URI1: variants seen among roughly 807,000 people sequenced by gnomAD.
URI1 encodes URI1 prefoldin like chaperone.
A neutral mutation model predicts 60.2 loss-of-function variants in URI1; 39 were observed. That is an observed-to-expected ratio of 0.65 (90% confidence interval 0.50 to 0.85). The LOEUF (loss-of-function observed/expected upper bound fraction) is 0.85, where lower values mean the gene tolerates loss of function less well. Among genes scored for constraint, URI1 ranks in the 40% least tolerant of loss-of-function variants. URI1 has a pLI of 0.00. For missense variants in URI1, 691 were observed against 665.9 expected (o/e 1.04, Z -0.42); for synonymous variants, 251 against 236.8 (o/e 1.06, Z -0.55).
At chr19:29,948,049 C>A (rs187553126) in intron 1 of URI1, among the ~76,000 whole-genome samples, 1 of 151,782 alleles carries the variant, frequency 6.6e-6, no homozygotes, top group Non-Finnish European at 1.5e-5. Flanking sequence ...ATGTCTCCAC[C>A]GCATTGTCAT....
intron 7 of URI1, 103 bp from the exon 8 acceptor site, chr19:30,008,902 T>A (rs2055978378): frequency 1.1e-6 from 1 of 910,454 alleles, no homozygotes; most frequent in Non-Finnish European, 1.6e-6. Context: ...TAAAAATACT[T>A]TATTCAAGAT....
intron 1 of URI1, among the ~76,000 whole-genome samples, chr19:29,932,900 G>A (rs1048110040): frequency 2.0e-5 from 3 of 151,854 alleles, no homozygotes; most frequent in Admixed American, 6.6e-5. Context: ...TGATCCACCC[G>A]CCTCAGCCTC....
intron 1 of URI1, among the ~76,000 whole-genome samples, chr19:29,928,517 T>C (rs183318363): frequency 9.2e-5 from 14 of 152,188 alleles, no homozygotes; most frequent in Admixed American, 9.2e-4. Flanking sequence ...TCCTGGTAGA[T>C]GAAAGGGATC....
At position 29,965,383 on chromosome 19, in the gene URI1, A is replaced by C. The variant is rs374281612; in HGVS notation, c.118-5810A>C. 3.5e-4 allele frequency among the ~76,000 whole-genome samples: 53 copies of C among 152,318 alleles called. 1 individual carries two copies. The South Asian group carries it at 0.011, about 32-fold the overall frequency. On this transcript the variant is annotated intron_variant, in intron 1 of 10. Coordinates refer to ENST00000392271, the MANE Select transcript of URI1 (RefSeq NM_003796.3). ...ATCTCTGATAAAACAGTGGGCATGC[A>C]AGGTGGAATTCAGGCAGTATTTCAG... is the stretch of plus-strand genomic sequence containing the variant.
intron 3 of URI1, 47 bp downstream of exon 3, chr19:29,985,348 C>G: frequency 2.7e-6 from 4 of 1,489,426 alleles, no homozygotes; most frequent in Non-Finnish European, 3.7e-6. Context: ...TTCTTGTAAA[C>G]ATATTAACTA....
At chr19:29,967,051 TG>T (rs1290540094) in intron 1 of URI1, among the ~76,000 whole-genome samples, 1 of 152,214 alleles carries the variant, frequency 6.6e-6, no homozygotes, top group African/African-American at 2.4e-5. Context: ...TGCCCTCTTG[TG>T]GTCTGTCACC....
At chr19:29,989,848 TTTTCATTCTC>T (rs2055723831) in intron 4 of URI1, among the ~76,000 whole-genome samples, 1 of 152,204 alleles carries the variant, frequency 6.6e-6, no homozygotes, top group Non-Finnish European at 1.5e-5. Context: ...GCATCTTGTC[TTTTCATTCTC>T]TTAACAGTGT....
chr19:29,941,510 A>C (rs764782483), upstream of URI1, among the ~76,000 whole-genome samples: 1 of 151,462 alleles, frequency 6.6e-6, no homozygotes, highest in Non-Finnish European at 1.5e-5. Context: ...GGTCCCAGCT[A>C]CTCCTGAGGC....
chr19:29,961,695 T>C (rs1157139255), intron 1 of URI1, among the ~76,000 whole-genome samples: 2 of 150,112 alleles, frequency 1.3e-5, no homozygotes, highest in African/African-American at 4.9e-5. Flanking sequence ...TTTTTTGTTG[T>C]TTGTTTTGAG....
At position 29,971,202 on chromosome 19, in the gene URI1, A is replaced by G; in HGVS notation, c.127A>G (p.Asn43Asp). ...TCTGTTTTCATGACAGGTGGTCACT[A>G]ACTGCCAAGAGAGAATCCAGCATTG... Reference protein sequence around the residue: ...LREEQEKVVTNCQERIQHWKK... With the variant: ...LREEQEKVVTDCQERIQHWKK... Residue 43 changes from asparagine to aspartate, a missense_variant, in exon 2 of 11, where the codon AAC (asparagine) becomes GAC (aspartate). Transcript: ENST00000392271. 6.2e-7 allele frequency: 1 copy of G among 1,613,342 alleles called. No individual in the cohort carries two copies. The highest frequency in any genetic ancestry group is 1.1e-5 in the South Asian group (1 of 91,042).
rs577184864 is a variant in URI1 at position 29,958,814 on chromosome 19, G to T, written c.118-12379G>T. On this transcript the variant is annotated intron_variant, in intron 1 of 10. Transcript: ENST00000392271. ...ATCTCTACAAAAAATACAAAAATAAGCTGGGTGTGGTGGCGGGGGCCTGTA... is the reference window on the plus strand; with the variant it reads ...ATCTCTACAAAAAATACAAAAATAATCTGGGTGTGGTGGCGGGGGCCTGTA... 1.1e-4 allele frequency among the ~76,000 whole-genome samples: 17 copies of T among 152,046 alleles called. No individual in the cohort carries two copies. In the South Asian group the frequency reaches 3.5e-3, roughly 32 times the overall value.
At chr19:29,978,796 G>T (rs1363001976) in intron 2 of URI1, among the ~76,000 whole-genome samples, 1 of 152,068 alleles carries the variant, frequency 6.6e-6, no homozygotes, top group Non-Finnish European at 1.5e-5. Flanking sequence ...ATTGGTGAGG[G>T]TTTTCACATT....
chr19:29,923,749 G>T (rs1212178191), exon 1 of URI1: 7 of 1,536,572 alleles, frequency 4.6e-6, no homozygotes, highest in African/African-American at 1.4e-5. Context: ...TCTGGCATAT[G>T]CATTGGTGAG....
chr19:30,012,733 C>G, intron 10 of URI1: 1 of 574,838 alleles, frequency 1.7e-6, no homozygotes, highest in Non-Finnish European at 2.7e-6. Context: ...CATTACTTGT[C>G]TTAACGTTCT....
chr19:29,950,372 A>C (rs1045755167), intron 1 of URI1, among the ~76,000 whole-genome samples: 3 of 151,894 alleles, frequency 2.0e-5, no homozygotes, highest in African/African-American at 7.3e-5. Flanking sequence ...AGCTTGTATC[A>C]CTTGCCCTTA....
intron 4 of URI1, among the ~76,000 whole-genome samples, chr19:29,988,882 T>C (rs923119381): frequency 6.6e-6 from 1 of 152,218 alleles, no homozygotes; most frequent in Non-Finnish European, 1.5e-5. Context: ...AGTGGCTGTA[T>C]GATTTACATC....
At chr19:29,930,764 G>A (rs1377231976) in intron 1 of URI1, among the ~76,000 whole-genome samples, 1 of 151,684 alleles carries the variant, frequency 6.6e-6, no homozygotes, top group Non-Finnish European at 1.5e-5. Context: ...GTGCGATCTC[G>A]GCTCACTGCA....
intron 1 of URI1, among the ~76,000 whole-genome samples, chr19:29,960,655 C>T (rs371968996): frequency 1.3e-5 from 2 of 151,934 alleles, no homozygotes; most frequent in South Asian, 2.1e-4. Flanking sequence ...CTTTTGGGTT[C>T]GAAGTGTGTC....
At chr19:29,949,150 G>C (rs1319950701) in intron 1 of URI1, among the ~76,000 whole-genome samples, 2 of 151,388 alleles carry the variant, frequency 1.3e-5, no homozygotes, top group African/African-American at 2.4e-5. Context: ...TCACCTCCCA[G>C]ATGGGGCGGC....
Sources: gnomAD v4.1 joint callset for allele counts (sites outside exome capture counted in the v4.1 genomes callset) on GRCh38, gnomAD v4.1.1 for gene constraint, MANE v1.5 for transcripts, NCBI Gene and HGNC (gene_info 2026-07-23, HGNC 2026-07-21) for gene names.